Variants in PRPF8 observed in about 807,000 individuals in gnomAD.
The protein encoded by PRPF8 is pre-mRNA processing factor 8, also known as pre-mRNA-processing-splicing factor 8.
In PRPF8, 64 loss-of-function variants were observed where a neutral mutation model predicts 285.9. The ratio of observed to expected loss-of-function variants is 0.22; its 90% CI spans 0.18 to 0.28. The LOEUF (loss-of-function observed/expected upper bound fraction) is 0.28. PRPF8 is among the 10% of genes least tolerant of loss of function. The probability of loss-of-function intolerance (pLI) is 1.00; values close to 1 mark genes in which losing one functional copy is unlikely to be tolerated. For missense variants in PRPF8, 1,426 were observed against 3,026.7 expected, an observed-to-expected ratio of 0.47 and a Z score of 12.41; for synonymous variants, 1,325 against 1,118.2, an observed-to-expected ratio of 1.18 and a Z score of -3.69.
chr17:1,672,555 T>C (rs1278496074), intron 24 of PRPF8, among the ~76,000 whole-genome samples: 1 of 152,222 alleles, frequency 6.6e-6, no homozygotes, highest in Non-Finnish European at 1.5e-5. Flanking sequence ...AGTGCTGGGA[T>C]TACAGGCGTG....
chr17:1,654,053 T>G (rs903782000), intron 37 of PRPF8, 37 bp from the exon 38 acceptor site: 2 of 1,613,994 alleles, frequency 1.2e-6, no homozygotes, highest in Admixed American at 1.7e-5. Context: ...CAAGGATCCC[T>G]TCCCCTTGGT....
chr17:1,676,860 T>C lies in PRPF8; in HGVS notation c.2181+116A>G. 4 of 1,495,098 alleles carry C rather than the reference T, an allele frequency of 2.7e-6. No homozygotes were observed. The highest frequency in any genetic ancestry group is 3.7e-6 in the Non-Finnish European group (4 of 1,083,570). 92.6% of individuals were successfully genotyped at this position (1,495,098 alleles called of 1,614,324 possible). A position where few individuals can be genotyped will look rare whatever the true frequency, so the allele number is the denominator to read the frequency against. On this transcript the variant is annotated intron_variant, in intron 15 of 42. Coordinates refer to ENST00000304992, the MANE Select transcript of PRPF8 (RefSeq NM_006445.4). This position sits in a 1 kb window ranked among gnomAD's most constrained non-coding sequence, Gnocchi z 6.3. ...AGCAACATGGTGCTTCTTTTCCCTG[T>C]CTAAAAGGGAAAAGAAAAGAGATTG...
chr17:1,673,038 ACAG>A lies in PRPF8; in HGVS notation c.3774+40_3774+42del, dbSNP rs752079824. ...GAAAGGGGTGTGAAATGAGCAGAGG[ACAG>A]CAGAGGACAAGAGGGAAGCTGGGCA... On this transcript the variant is annotated intron_variant, in intron 24 of 42. Transcript: ENST00000304992. The surrounding 1 kb of genome is among the most constrained non-coding windows in gnomAD (Gnocchi z 5.5). The A allele has an allele frequency of 8.4e-6, 13 of 1,556,670 alleles. No individual in the cohort carries two copies. Among genetic ancestry groups the A allele is most frequent in the Non-Finnish European group, 1.2e-5 (13 of 1,127,688 alleles).
At chr17:1,682,783 C>G (rs1170418878) in intron 3 of PRPF8, among the ~76,000 whole-genome samples, 1 of 152,166 alleles carries the variant, frequency 6.6e-6, no homozygotes, top group African/African-American at 2.4e-5. Context: ...ACATGGCAAA[C>G]ATTTTTGTGT....
intron 30 of PRPF8, among the ~76,000 whole-genome samples, 193 bp from the exon 31 acceptor site, chr17:1,660,194 G>A (rs1911603584): frequency 6.7e-6 from 1 of 150,080 alleles, no homozygotes. Flanking sequence ...AGCTGACTCT[G>A]TACAGCACCC....
At chr17:1,660,197 C>T (rs1567679229) in intron 30 of PRPF8, among the ~76,000 whole-genome samples, 196 bp from the exon 31 acceptor site, 1 of 150,744 alleles carries the variant, frequency 6.6e-6, no homozygotes, top group African/African-American at 2.4e-5. Flanking sequence ...TGACTCTGTA[C>T]AGCACCCTCT....
chr17:1,684,203 G>A lies in PRPF8; in HGVS notation c.100+269C>T, dbSNP rs373443806. Among the ~76,000 whole-genome samples, 7 of 152,092 alleles carry A rather than the reference G, an allele frequency of 4.6e-5. No homozygotes were observed. The East Asian group carries it at 1.2e-3, about 25-fold the overall frequency. On this transcript the variant is annotated intron_variant, in intron 2 of 42. Transcript: ENST00000304992. ...CGCCCGGCCTGACATTTTTATTACAGAGCTTCAAGGTTTTGTTATTCTCTG... is the reference window on the plus strand; with the variant it reads ...CGCCCGGCCTGACATTTTTATTACAAAGCTTCAAGGTTTTGTTATTCTCTG...
Position 1,676,018 on chromosome 17 carries a change from C to T in PRPF8, c.2589G>A (p.Glu863=). Residue 863 remains glutamate (E), a synonymous_variant, in exon 18 of 43, where the codon GAG becomes GAA. Coordinates refer to ENST00000304992, the MANE Select transcript of PRPF8 (RefSeq NM_006445.4). This position sits in a 1 kb window ranked among gnomAD's most constrained non-coding sequence, Gnocchi z 6.3. The stretch of plus-strand genomic sequence containing the variant: ...CGTAGGCCTGCTCGATCAGACCTAG[C>T]TCCTCCCTCTGAGACTGGTTCAACC... The part of the protein sequence containing the change: ...KSRLNQSQRE[E]LGLIEQAYDN... 6.2e-7 allele frequency: 1 copy of T among 1,613,654 alleles called. No homozygotes were observed. The highest frequency in any genetic ancestry group is 1.1e-5 in the South Asian group (1 of 91,044).
Position 1,675,261 on chromosome 17 carries a change from A to G in PRPF8, c.2951T>C (p.Met984Thr), listed in dbSNP as rs1912549406. The part of the protein sequence containing the change: ...NVMLESRFEK[M>T]YEKIDLTLLN... ...CAGAGTCAAGTCGATCTTCTCATAC[A>G]TCTTCTCAAAGCGGGATTCCAGCAT... The change falls in exon 20 of 43, where the codon ATG becomes ACG. Residue 984 changes from methionine (M) to threonine (T), a missense_variant. Coordinates refer to ENST00000304992, the MANE Select transcript of PRPF8 (RefSeq NM_006445.4). This position sits in a 1 kb window ranked among gnomAD's most constrained non-coding sequence, Gnocchi z 6.0. The G allele has an allele frequency of 6.2e-7, 1 of 1,614,182 alleles. No individual in the cohort carries two copies. The highest frequency in any genetic ancestry group is 8.5e-7 in the Non-Finnish European group (1 of 1,180,032).
intron 28 of PRPF8, 68 bp from the exon 29 acceptor site, chr17:1,660,895 G>A: frequency 1.2e-6 from 2 of 1,612,704 alleles, no homozygotes; most frequent in South Asian, 1.1e-5. Flanking sequence ...ACCTCCTGGA[G>A]GTGGCTGTCT....
Position 1,676,060 on chromosome 17 carries a change from A to G in PRPF8, c.2553-6T>C. ...GGTTCAACCGAGACTTCACACTGAC[A>G]AAAGCAATGGGAAGGGTGAATGGGA... is the stretch of plus-strand genomic sequence containing the variant. On this transcript the variant is annotated splice_polypyrimidine_tract_variant and splice_region_variant and intron_variant, in intron 17 of 42. Transcript: ENST00000304992. The surrounding 1 kb of genome is among the most constrained non-coding windows in gnomAD (Gnocchi z 6.3). 6.2e-7 allele frequency: 1 copy of G among 1,612,970 alleles called. No homozygotes were observed. Among genetic ancestry groups the G allele is most frequent in the Non-Finnish European group, 8.5e-7 (1 of 1,180,006 alleles).
At chr17:1,666,112 G>A (rs1258919010) in intron 24 of PRPF8, among the ~76,000 whole-genome samples, 1 of 151,324 alleles carries the variant, frequency 6.6e-6, no homozygotes, top group African/African-American at 2.4e-5. Context: ...CTTGCAGTGA[G>A]CAGAGATCGC....
chr17:1,666,890 G>A (rs148266735), intron 24 of PRPF8, among the ~76,000 whole-genome samples: 20 of 151,710 alleles, frequency 1.3e-4, no homozygotes, highest in Non-Finnish European at 2.7e-4. Flanking sequence ...CAGAAAGGAG[G>A]GGGGCCGGGT....
chr17:1,676,613 C>T lies in PRPF8; in HGVS notation c.2280G>A (p.Arg760=), dbSNP rs192524161. The change falls in exon 16 of 43, where the codon CGG becomes CGA. Residue 760 remains arginine (R), a synonymous_variant. Transcript: ENST00000304992. This position sits in a 1 kb window ranked among gnomAD's most constrained non-coding sequence, Gnocchi z 6.3. The stretch of plus-strand genomic sequence containing the variant: ...TGTCCACAGTGGCCCCTCGGCGGAT[C>T]CGTTCTCGGTTGTAGTGGGCAGTGT... The part of the protein sequence containing the change: ...WTNTAHYNRE[R]IRRGATVDKT... 39 of 1,614,186 alleles carry T rather than the reference C, an allele frequency of 2.4e-5. No individual in the cohort carries two copies. The Admixed American group carries it at 5.2e-4, about 21-fold the overall frequency.
intron 11 of PRPF8, 60 bp from the exon 12 acceptor site, chr17:1,678,941 G>A: frequency 1.9e-6 from 3 of 1,613,702 alleles, no homozygotes; most frequent in East Asian, 2.2e-5. Flanking sequence ...ACTGATGTAT[G>A]CCTTCATCAG....
At chr17:1,656,606 G>T in intron 35 of PRPF8, 41 bp from the exon 36 acceptor site, 1 of 1,613,934 alleles carries the variant, frequency 6.2e-7, no homozygotes, top group Middle Eastern at 1.6e-4. Context: ...CAGCCTGAAG[G>T]TCTCAAGGTC....
Position 1,679,517 on chromosome 17 carries a change from G to T in PRPF8, c.1289+92C>A. The T allele has an allele frequency of 1.3e-6, 2 of 1,536,240 alleles. No homozygotes were observed. The highest frequency in any genetic ancestry group is 1.8e-6 in the Non-Finnish European group (2 of 1,133,620). Reference sequence around the variant, plus strand: ...CATTTTTATGGGAAAAAAAAAAAAAGAATTTAAAAAAAAGGCTACATGCCC... The same window carrying T: ...CATTTTTATGGGAAAAAAAAAAAAATAATTTAAAAAAAAGGCTACATGCCC... On this transcript the variant is annotated intron_variant, in intron 9 of 42. Transcript: ENST00000304992. This position sits in a 1 kb window ranked among gnomAD's most constrained non-coding sequence, Gnocchi z 4.7.
In PRPF8 at chr17:1,679,181, T is replaced by A. The variant is rs1912768305; in HGVS notation, c.1435A>T (p.Thr479Ser). The A allele has an allele frequency of 6.2e-7, 1 of 1,614,168 alleles. No homozygotes were observed. ...AGCTTTGTGGACTGAAAGAATTTGG[T>A]GGCTTTGAAGGAGCGGAACAAATAC... ...KRYLFRSFKA[T>S]KFFQSTKLDW... The change falls in exon 11 of 43, where the codon ACC becomes TCC. Residue 479 changes from threonine (T) to serine (S), a missense_variant. By Grantham distance (58) the Thr-to-Ser change is moderately conservative. Transcript: ENST00000304992. The surrounding 1 kb of genome is among the most constrained non-coding windows in gnomAD (Gnocchi z 4.7).
rs561719138 is a variant in PRPF8, at chr17:1,654,462, C to G, written c.5988-446G>C. 232 of 305,742 alleles carry G rather than the reference C, an allele frequency of 7.6e-4. 1 individual carries two copies. Among genetic ancestry groups the G allele is most frequent in the Non-Finnish European group, 9.9e-4 (157 of 159,322 alleles). 18.9% of individuals were successfully genotyped at this position (305,742 alleles called of 1,614,324 possible). A position where few individuals can be genotyped will look rare whatever the true frequency, so the allele number is the denominator to read the frequency against. ...CAGCAGTCTCGGATACTTAGGGTCT[C>G]GGATGTTCAAAATTCTTCCCATGTA... On this transcript the variant is annotated intron_variant, in intron 37 of 42. Coordinates refer to ENST00000304992, the MANE Select transcript of PRPF8 (RefSeq NM_006445.4).
Sources: gnomAD v4.1 joint callset for allele counts (sites outside exome capture counted in the v4.1 genomes callset) on GRCh38, gnomAD v4.1.1 for gene constraint, Gnocchi (gnomAD v3.1) non-coding constraint, MANE v1.5 for transcripts, NCBI Gene and HGNC (gene_info 2026-07-23, HGNC 2026-07-21) for gene names.